Variants in SYT16 observed in about 807,000 individuals in gnomAD.
The protein encoded by SYT16 is synaptotagmin 16.
In SYT16, 42 loss-of-function variants were observed where a neutral mutation model predicts 61.4. The ratio of observed to expected loss-of-function variants is 0.68; its 90% CI spans 0.53 to 0.89. The LOEUF is 0.89. SYT16 is among the 40% of genes least tolerant of loss of function. The pLI is 0.00. For missense variants in SYT16, 804 were observed against 807.3 expected (o/e 1.00, Z 0.05); for synonymous variants, 314 against 302.3 (o/e 1.04, Z -0.40).
rs754894786 is a variant in SYT16 at position 61,996,519 on chromosome 14, A to C, written c.500A>C (p.Glu167Ala). Residue 167 changes from glutamate to alanine, a missense_variant, in exon 3 of 8, where the codon GAA becomes GCA. Physicochemically the swap from Glu to Ala is moderately radical, Grantham distance 107. Transcript: ENST00000683842. ...GFDSQLPGTLETVNGKKQVNS... is the reference protein window; with the variant it reads ...GFDSQLPGTLATVNGKKQVNS... ...GACAGCCAGCTCCCTGGTACTTTAGAAACTGTTAATGGAAAAAAGCAAGGT... is the reference window on the plus strand; with the variant it reads ...GACAGCCAGCTCCCTGGTACTTTAGCAACTGTTAATGGAAAAAAGCAAGGT... 23 of 1,607,302 alleles carry C rather than the reference A, an allele frequency of 1.4e-5. No homozygotes were observed. Among genetic ancestry groups the C allele is most frequent in the Non-Finnish European group, 2.0e-5 (23 of 1,176,720 alleles).
chr14:62,031,785 G>A (rs1167391461), intron 3 of SYT16, among the ~76,000 whole-genome samples: 1 of 151,982 alleles, frequency 6.6e-6, no homozygotes, highest in Non-Finnish European at 1.5e-5. Flanking sequence ...CCTTGACACC[G>A]GGGAAACAAG....
chr14:62,050,963 C>G (rs2055254489), intron 3 of SYT16, among the ~76,000 whole-genome samples: 1 of 152,214 alleles, frequency 6.6e-6, no homozygotes, highest in Non-Finnish European at 1.5e-5. Context: ...AGATCTCAAG[C>G]TGCGTGCTGG....
At chr14:61,838,367 A>T (rs990410995) in intron 1 of SYT16, among the ~76,000 whole-genome samples, 2 of 152,092 alleles carry the variant, frequency 1.3e-5, no homozygotes, top group Admixed American at 1.3e-4. Context: ...GCACATTCCG[A>T]CATGCTGCTG....
intron 3 of SYT16, among the ~76,000 whole-genome samples, chr14:62,020,163 T>C (rs553489837): frequency 6.6e-6 from 1 of 152,244 alleles, no homozygotes; most frequent in Admixed American, 6.5e-5. Flanking sequence ...TGATCCCTTA[T>C]TTTGTGACAC....
chr14:61,831,796 G>A (rs558066078), intron 1 of SYT16: 78 of 228,894 alleles, frequency 3.4e-4, no homozygotes, highest in African/African-American at 1.6e-3. Context: ...CAGGTTTCCA[G>A]TAAATAGGCA....
intron 2 of SYT16, among the ~76,000 whole-genome samples, chr14:61,986,653 C>T (rs2052329975): frequency 6.6e-6 from 1 of 151,904 alleles, no homozygotes; most frequent in South Asian, 2.1e-4. Flanking sequence ...TTCTTGTGTC[C>T]AAGTGTTCTC....
intron 1 of SYT16, among the ~76,000 whole-genome samples, chr14:61,923,957 A>C (rs1427179625): frequency 6.6e-6 from 1 of 152,194 alleles, no homozygotes; most frequent in Non-Finnish European, 1.5e-5. Context: ...TGTTTGCAGA[A>C]ATGAATAGTT....
At chr14:61,927,945 G>A (rs1244204520) in intron 1 of SYT16, among the ~76,000 whole-genome samples, 1 of 152,168 alleles carries the variant, frequency 6.6e-6, no homozygotes, top group Non-Finnish European at 1.5e-5. Flanking sequence ...AACTTGCTTT[G>A]CAGTCGTGAA....
chr14:61,910,287 A>G (rs955463346), intron 1 of SYT16, among the ~76,000 whole-genome samples: 1 of 152,020 alleles, frequency 6.6e-6, no homozygotes, highest in East Asian at 1.9e-4. Flanking sequence ...CACCTGGGCT[A>G]GAGTGCAATG....
At chr14:61,825,552 G>A (rs1420245769) in intron 1 of SYT16, among the ~76,000 whole-genome samples, 1 of 152,096 alleles carries the variant, frequency 6.6e-6, no homozygotes, top group Non-Finnish European at 1.5e-5. Flanking sequence ...GCTTGGTGGT[G>A]CGTGCCTGTA....
chr14:61,938,538 A>G (rs2050080703), intron 1 of SYT16, among the ~76,000 whole-genome samples: 1 of 152,120 alleles, frequency 6.6e-6, no homozygotes, highest in South Asian at 2.1e-4. Flanking sequence ...CAATGCGCTG[A>G]GGTTGTTAAC....
Position 61,823,832 on chromosome 14 carries a change from G to A in SYT16, c.-325+11022G>A, listed in dbSNP as rs74932389. ...ACTGCTTTATGATACTGTTCCGTGC[G>A]ACAATAAGCTGCTGATTGAATTCTT... On this transcript the variant is annotated intron_variant, in intron 1 of 7. Coordinates refer to ENST00000683842, the MANE Select transcript of SYT16 (RefSeq NM_001367656.1). 7.8e-3 allele frequency among the ~76,000 whole-genome samples: 1,189 copies of A among 152,252 alleles called. 8 individuals carry two copies. Among genetic ancestry groups the A allele is most frequent in the African/African-American group, 0.026 (1,087 of 41,550 alleles).
At chr14:61,957,630 A>G (rs2050933596) in intron 1 of SYT16, among the ~76,000 whole-genome samples, 1 of 151,934 alleles carries the variant, frequency 6.6e-6, no homozygotes, top group African/African-American at 2.4e-5. Flanking sequence ...ATGTGGAACC[A>G]TCCTTGCATC....
At chr14:61,836,681 C>A (rs1345385392) in intron 1 of SYT16, among the ~76,000 whole-genome samples, 1 of 152,150 alleles carries the variant, frequency 6.6e-6, no homozygotes, top group Non-Finnish European at 1.5e-5. Context: ...TACTCAACTA[C>A]CTTAAGAGAA....
At chr14:61,879,614 C>T (rs2047623723) in intron 1 of SYT16, among the ~76,000 whole-genome samples, 1 of 152,178 alleles carries the variant, frequency 6.6e-6, no homozygotes, top group Admixed American at 6.5e-5. Flanking sequence ...CGACTCCTGT[C>T]CCACCCTCCT....
chr14:61,910,224 TC>T (rs2048875736), intron 1 of SYT16, among the ~76,000 whole-genome samples: 3 of 57,448 alleles, frequency 5.2e-5, no homozygotes, highest in Non-Finnish European at 9.2e-5. Context: ...GTATGCTGTC[TC>T]CTTTTTTTGT....
intron 3 of SYT16, among the ~76,000 whole-genome samples, chr14:62,050,193 A>G (rs1352933723): frequency 6.6e-6 from 1 of 151,648 alleles, no homozygotes; most frequent in Non-Finnish European, 1.5e-5. Flanking sequence ...TTTTCTCTAA[A>G]CTTCTCTTCT....
chr14:62,052,158 C>T (rs1489798270), intron 3 of SYT16, among the ~76,000 whole-genome samples: 1 of 152,062 alleles, frequency 6.6e-6, no homozygotes, highest in Non-Finnish European at 1.5e-5. Flanking sequence ...GACCATTTAT[C>T]ATATTAGTTT....
chr14:61,948,538 T>G (rs2050540842), intron 1 of SYT16, among the ~76,000 whole-genome samples: 1 of 151,838 alleles, frequency 6.6e-6, no homozygotes, highest in African/African-American at 2.4e-5. Context: ...ATGAAGTGGG[T>G]GCATATTTGG....
Sources: allele counts gnomAD v4.1 joint callset (sites outside exome capture counted in the v4.1 genomes callset), GRCh38; gene constraint gnomAD v4.1.1; transcripts MANE v1.5; gene names NCBI Gene and HGNC (gene_info 2026-07-23, HGNC 2026-07-21).